Variants in INA observed in about 807,000 individuals in gnomAD.
INA encodes alpha-internexin.
Under a neutral mutation model 40.1 loss-of-function variants are expected in INA, and 35 were observed. The ratio of observed to expected loss-of-function variants is 0.87; its 90% CI spans 0.67 to 1.16. INA has a LOEUF of 1.16. Among genes scored for constraint, INA ranks in the 50% most tolerant of loss-of-function variants. The pLI, the probability that INA is intolerant of heterozygous loss-of-function variation, is 0.00. For missense variants in INA, 594 were observed against 686.7 expected (o/e 0.87, Z 1.51); for synonymous variants, 290 against 316.9 (o/e 0.92, Z 0.90).
Position 103,277,380 on chromosome 10 carries a change from G to T in INA, c.169G>T (p.Ala57Ser). ...GGCCTCCTCGGCCGCCTGCTCCTCG[G>T]CCTCGTCGCTCGGCCTCGGCCTGGC... Reference protein sequence around the residue: ...NVASSAACSSASSLGLGLAYR... With the variant: ...NVASSAACSSSSSLGLGLAYR... The change falls in exon 1 of 3, where the codon GCC becomes TCC. Residue 57 changes from alanine (A) to serine (S), a missense_variant. Coordinates refer to ENST00000369849, the MANE Select transcript of INA (RefSeq NM_032727.4). The surrounding 1 kb of genome is among the most constrained non-coding windows in gnomAD (Gnocchi z 5.6). 6.4e-7 allele frequency: 1 copy of T among 1,562,410 alleles called. No homozygotes were observed.
At chr10:103,282,191 G>A (rs1464447005) in intron 1 of INA, among the ~76,000 whole-genome samples, 1 of 152,190 alleles carries the variant, frequency 6.6e-6, no homozygotes, top group Non-Finnish European at 1.5e-5. Context: ...TATGAAATCT[G>A]CAACATAGAA....
rs369168949 is a variant in INA, at chr10:103,278,903, G to GCACACACACACACACA, written c.1065+643_1065+658dup. Among the ~76,000 whole-genome samples the GCACACACACACACACA allele has an allele frequency of 0.023, 3,136 of 136,774 alleles. 59 individuals are homozygous for GCACACACACACACACA. The highest frequency in any genetic ancestry group is 0.032 in the Admixed American group (426 of 13,424). 89.7% of individuals were successfully genotyped at this position (136,774 alleles called of 152,430 possible). On this transcript the variant is annotated intron_variant, in intron 1 of 2. Transcript: ENST00000369849. The surrounding 1 kb of genome is among the most constrained non-coding windows in gnomAD (Gnocchi z 4.9). ...ACACACACGATTCCCTTGTCCACCA[G>GCACACACACACACACA]CACACACACACACACACACACACAC...
rs967901254 is a variant in INA at position 103,289,478 on chromosome 10, TATTTA to T, written c.*813_*817del. On this transcript the variant is annotated 3_prime_UTR_variant, in exon 3 of 3. Transcript: ENST00000369849. ...TTTAGGCTTTCAGCTTACACAAATC[TATTTA>T]ATTAGGAAAAAAACTATTAAGGATG... 1 of 152,648 alleles carries T rather than the reference TATTTA, an allele frequency of 6.6e-6. No individual in the cohort carries two copies. The highest frequency in any genetic ancestry group is 2.4e-5 in the African/African-American group (1 of 41,456). The allele number at this position is 152,648 out of a possible 1,614,324, so 9.5% of individuals were successfully genotyped here. A position where few individuals can be genotyped will look rare whatever the true frequency, so the allele number is the denominator to read the frequency against.
chr10:103,278,095 A>G lies in INA; in HGVS notation c.884A>G (p.Asn295Ser). The change falls in exon 1 of 3, where the codon AAC becomes AGC. Residue 295 changes from asparagine (N) to serine (S), a missense_variant. Physicochemically the swap from Asn to Ser is conservative, Grantham distance 46. Around this residue, in one of 2 missense-constraint regions of INA, gnomAD observed 379 missense variants for 496.1 expected, o/e 0.76. Transcript: ENST00000369849. The surrounding 1 kb of genome is among the most constrained non-coding windows in gnomAD (Gnocchi z 4.9). ...TACAAGTCCAAGTTTGCCAACCTGAACGAGCAGGCGGCGCGCAGCACCGAG... is the reference window on the plus strand; with the variant it reads ...TACAAGTCCAAGTTTGCCAACCTGAGCGAGCAGGCGGCGCGCAGCACCGAG... Reference protein sequence around the residue: ...EWYKSKFANLNEQAARSTEAI... With the variant: ...EWYKSKFANLSEQAARSTEAI... The G allele has an allele frequency of 1.2e-6, 2 of 1,613,426 alleles. No homozygotes were observed. The highest frequency in any genetic ancestry group is 1.1e-5 in the South Asian group (1 of 91,088).
At chr10:103,288,209 G>A in intron 2 of INA, 151 bp from the exon 3 acceptor site, 1 of 700,424 alleles carries the variant, frequency 1.4e-6, no homozygotes, top group Non-Finnish European at 2.3e-6. Context: ...AACCCTTTGA[G>A]CTTTGAAATT....
intron 1 of INA, among the ~76,000 whole-genome samples, chr10:103,285,532 G>T (rs939644890): frequency 6.8e-6 from 1 of 147,832 alleles, no homozygotes; most frequent in African/African-American, 2.5e-5. Flanking sequence ...CCGACTCCAG[G>T]TGATCCTCCT....
Position 103,288,722 on chromosome 10 carries a change from T to C in INA, c.*53T>C. 8.4e-7 allele frequency: 1 copy of C among 1,184,988 alleles called. No homozygotes were observed. Among genetic ancestry groups the C allele is most frequent in the Non-Finnish European group, 1.2e-6 (1 of 838,002 alleles). The allele number at this position is 1,184,988 out of a possible 1,614,324, so 73.4% of individuals were successfully genotyped here. ...TAAGAGGGAATGATATGCATTTGAC[T>C]TGTTAAACAGCCTATTCCTGAACTA... On this transcript the variant is annotated 3_prime_UTR_variant, in exon 3 of 3. Coordinates refer to ENST00000369849, the MANE Select transcript of INA (RefSeq NM_032727.4).
rs767274223 is a variant in INA at position 103,277,625 on chromosome 10, C to G, written c.414C>G (p.Arg138=). Reference sequence around the variant, plus strand: ...GACAGCGCCACGCTGAGCCGTCGCGCGTCGGCGAGCTCTTCCAGCGCGAGC... The same window carrying G: ...GACAGCGCCACGCTGAGCCGTCGCGGGTCGGCGAGCTCTTCCAGCGCGAGC... ...ALRQRHAEPS[R]VGELFQRELR... is the part of the protein sequence containing the mutation. Residue 138 remains arginine, a synonymous_variant, in exon 1 of 3, where the codon CGC becomes CGG. Transcript: ENST00000369849. The surrounding 1 kb of genome is among the most constrained non-coding windows in gnomAD (Gnocchi z 5.6). The G allele has an allele frequency of 6.8e-7, 1 of 1,479,038 alleles. No homozygotes were observed. The highest frequency in any genetic ancestry group is 8.9e-7 in the Non-Finnish European group (1 of 1,120,296). 91.6% of individuals were successfully genotyped at this position (1,479,038 alleles called of 1,614,324 possible). A position where few individuals can be genotyped will look rare whatever the true frequency, so the allele number is the denominator to read the frequency against.
At position 103,277,318 on chromosome 10, in the gene INA, G is replaced by A; in HGVS notation, c.107G>A (p.Gly36Asp). Residue 36 changes from glycine (G) to aspartate (D), a missense_variant, in exon 1 of 3, where the codon GGC (glycine) becomes GAC (aspartate). Around this residue, in one of 2 missense-constraint regions of INA, gnomAD observed 215 missense variants for 190.6 expected, o/e 1.13. Coordinates refer to ENST00000369849, the MANE Select transcript of INA (RefSeq NM_032727.4). The surrounding 1 kb of genome is among the most constrained non-coding windows in gnomAD (Gnocchi z 5.6). ...SARLSGAGGA[G>D]GFRSQSLSRS... Reference sequence around the variant, plus strand: ...CGCCTCTCTGGGGCCGGCGGCGCGGGCGGCTTCCGCTCGCAGTCGCTGTCC... The same window carrying A: ...CGCCTCTCTGGGGCCGGCGGCGCGGACGGCTTCCGCTCGCAGTCGCTGTCC... 1.3e-6 allele frequency: 2 copies of A among 1,585,372 alleles called. No homozygotes were observed. Among genetic ancestry groups the A allele is most frequent in the Non-Finnish European group, 1.7e-6 (2 of 1,171,116 alleles).
chr10:103,279,673 T>C (rs1184177309), intron 1 of INA, among the ~76,000 whole-genome samples: 1 of 152,218 alleles, frequency 6.6e-6, no homozygotes, highest in Non-Finnish European at 1.5e-5. Flanking sequence ...AAGAAAGGAA[T>C]GAAATCTCAA....
chr10:103,279,758 T>G (rs1314733770), intron 1 of INA, among the ~76,000 whole-genome samples: 1 of 152,208 alleles, frequency 6.6e-6, no homozygotes, highest in Non-Finnish European at 1.5e-5. Flanking sequence ...AATAACTTCC[T>G]TTGATAAAGG....
chr10:103,284,296 C>T (rs73340769), intron 1 of INA, among the ~76,000 whole-genome samples: 3 of 152,108 alleles, frequency 2.0e-5, no homozygotes, highest in South Asian at 4.1e-4. Flanking sequence ...CTTGTTATCG[C>T]AACTGGGAGA....
In INA at chr10:103,278,079, A is replaced by C. The variant is rs1472600370; in HGVS notation, c.868A>C (p.Lys290Gln). Residue 290 changes from lysine to glutamine, a missense_variant, in exon 1 of 3, where the codon AAG (lysine) becomes CAG (glutamine). Around this residue, in one of 2 missense-constraint regions of INA, gnomAD observed 379 missense variants for 496.1 expected, o/e 0.76. Transcript: ENST00000369849. The surrounding 1 kb of genome is among the most constrained non-coding windows in gnomAD (Gnocchi z 4.9). ...LQSAEEWYKS[K>Q]FANLNEQAAR... ...GTCCGCGGAAGAATGGTACAAGTCC[A>C]AGTTTGCCAACCTGAACGAGCAGGC... The C allele has an allele frequency of 6.2e-7, 1 of 1,613,632 alleles. No individual in the cohort carries two copies. The highest frequency in any genetic ancestry group is 1.3e-5 in the African/African-American group (1 of 75,020).
intron 1 of INA, among the ~76,000 whole-genome samples, chr10:103,279,104 G>A (rs868646972): frequency 6.6e-6 from 1 of 152,038 alleles, no homozygotes; most frequent in Admixed American, 6.6e-5. Flanking sequence ...GCAATTAACT[G>A]CTTTGATTTT....
rs759503747 is a variant in INA at position 103,288,605 on chromosome 10, T to C, written c.1436T>C (p.Ile479Thr). Residue 479 changes from isoleucine (I) to threonine (T), a missense_variant, in exon 3 of 3, where the codon ATA (isoleucine) becomes ACA (threonine). Ile to Thr is a moderately conservative substitution (Grantham distance 89, BLOSUM62 -1). Coordinates refer to ENST00000369849, the MANE Select transcript of INA (RefSeq NM_032727.4). ...SFEEILEETV[I>T]STKKTEKSNI... The stretch of plus-strand genomic sequence containing the variant: ...GAAGAAATATTAGAGGAGACAGTAA[T>C]ATCTACTAAGAAAACCGAGAAATCA... 7.1e-5 allele frequency: 114 copies of C among 1,607,628 alleles called. No individual in the cohort carries two copies. The highest frequency in any genetic ancestry group is 1.2e-4 in the Admixed American group (7 of 58,206).
chr10:103,284,553 A>G (rs2093080665), intron 1 of INA, among the ~76,000 whole-genome samples: 1 of 152,050 alleles, frequency 6.6e-6, no homozygotes, highest in Non-Finnish European at 1.5e-5. Flanking sequence ...TAGGAGTTCA[A>G]GACCAGCCTG....
At position 103,277,467 on chromosome 10, in the gene INA, G is replaced by T; in HGVS notation, c.256G>T (p.Glu86Ter). 6.3e-7 allele frequency: 1 copy of T among 1,581,454 alleles called. No homozygotes were observed. The highest frequency in any genetic ancestry group is 8.6e-7 in the Non-Finnish European group (1 of 1,167,326). The change falls in exon 1 of 3, where the codon GAG becomes TAG. Residue 86 changes from glutamate (E) to a stop codon, truncating the protein, a stop_gained. Transcript: ENST00000369849. LOFTEE classifies it high-confidence loss of function. The surrounding 1 kb of genome is among the most constrained non-coding windows in gnomAD (Gnocchi z 5.6). ...GAGCCAGGCGGCGGCGCGCACCAAC[G>T]AGTACAAGATCATCCGCACCAACGA... ...DLSQAAARTN[E>*]YKIIRTNEKE...
chr10:103,285,265 T>C (rs529118020), intron 1 of INA, among the ~76,000 whole-genome samples: 1 of 151,492 alleles, frequency 6.6e-6, no homozygotes, highest in East Asian at 1.9e-4. Context: ...ATTACAGGCA[T>C]GAGCCATCGT....
At position 103,288,739 on chromosome 10, in the gene INA, C is replaced by G. The variant is rs1592045695; in HGVS notation, c.*70C>G. 1 of 991,194 alleles carries G rather than the reference C, an allele frequency of 1.0e-6. No homozygotes were observed. The highest frequency in any genetic ancestry group is 1.6e-5 in the African/African-American group (1 of 61,370). 61.4% of individuals were successfully genotyped at this position (991,194 alleles called of 1,614,324 possible). ...CATTTGACTTGTTAAACAGCCTATT[C>G]CTGAACTATAACACCTGCCACCACT... is the stretch of plus-strand genomic sequence containing the variant. On this transcript the variant is annotated 3_prime_UTR_variant, in exon 3 of 3. Coordinates refer to ENST00000369849, the MANE Select transcript of INA (RefSeq NM_032727.4).
Sources: gnomAD v4.1 joint callset for allele counts (sites outside exome capture counted in the v4.1 genomes callset) on GRCh38, gnomAD v4.1.1 for gene constraint, gnomAD v4.1.1 regional missense constraint, Gnocchi (gnomAD v3.1) non-coding constraint, MANE v1.5 for transcripts, NCBI Gene and HGNC (gene_info 2026-07-23, HGNC 2026-07-21) for gene names.